CASR: variants seen among roughly 807,000 people sequenced by gnomAD.
CASR encodes the protein extracellular calcium-sensing receptor.
In CASR, 23 loss-of-function variants were observed where a neutral mutation model predicts 69.1. The observed-to-expected ratio is 0.33, with a 90% CI of 0.24 to 0.47. CASR has a LOEUF of 0.47. Ranked by LOEUF, CASR falls within the 20% of genes least tolerant of loss-of-function variation. CASR has a pLI of 1.00. For missense variants in CASR, 924 were observed against 1,356.1 expected (o/e 0.68, Z 5.00); for synonymous variants, 541 against 544.7 (o/e 0.99, Z 0.10).
chr3:122,271,707 C>T (rs544027695), intron 4 of CASR, among the ~76,000 whole-genome samples: 2 of 152,266 alleles, frequency 1.3e-5, no homozygotes, highest in African/African-American at 4.8e-5. Context: ...AATTTTAGAA[C>T]ATTTTCACCA....
At chr3:122,186,659 T>G (rs772989854) in intron 1 of CASR, among the ~76,000 whole-genome samples, 28 of 152,206 alleles carry the variant, frequency 1.8e-4, no homozygotes, top group Non-Finnish European at 3.5e-4. Flanking sequence ...TAAGATAAAC[T>G]GTCTGAAGGA....
At chr3:122,253,730 C>A (rs1234704144) in intron 1 of CASR, among the ~76,000 whole-genome samples, 2 of 152,210 alleles carry the variant, frequency 1.3e-5, no homozygotes, top group Admixed American at 6.5e-5. Context: ...TAAAATTTGA[C>A]CTCTCATAAC....
intron 6 of CASR, among the ~76,000 whole-genome samples, chr3:122,283,331 T>C (rs2134224): frequency 0.18 from 27,528 of 152,070 alleles, 2,900 homozygotes; most frequent in African/African-American, 0.27. Flanking sequence ...CTGCGAAGAG[T>C]TGATGGACCA....
chr3:122,254,141 T>A lies in CASR; in HGVS notation c.-49T>A. 1 of 1,597,950 alleles carries A rather than the reference T, an allele frequency of 6.3e-7. No individual in the cohort carries two copies. The highest frequency in any genetic ancestry group is 8.6e-7 in the Non-Finnish European group (1 of 1,167,366). On this transcript the variant is annotated 5_prime_UTR_variant, in exon 2 of 7. Transcript: ENST00000639785. ...TCCAAGGGAGAAACTTCTGGGAGCC[T>A]CCAAACTCCTAGCTGTCTCATCCCT...
At chr3:122,219,322 A>AT (rs2074148728) in intron 1 of CASR, among the ~76,000 whole-genome samples, 1 of 152,204 alleles carries the variant, frequency 6.6e-6, no homozygotes, top group Non-Finnish European at 1.5e-5. Flanking sequence ...TATCAGAGGG[A>AT]TTTTAACAAA....
At chr3:122,273,534 T>C (rs1267205531) in intron 4 of CASR, among the ~76,000 whole-genome samples, 1 of 152,212 alleles carries the variant, frequency 6.6e-6, no homozygotes, top group African/African-American at 2.4e-5. Context: ...GCATGGCATG[T>C]GGACAGGATA....
Position 122,280,839 on chromosome 3 carries a change from A to G in CASR, c.1609-1274A>G, listed in dbSNP as rs553212920. ...TAAATAGACATTATGGAAATAGTAAAAGCCCTACTATGTATTAAGCATTAC... is the reference window on the plus strand; with the variant it reads ...TAAATAGACATTATGGAAATAGTAAGAGCCCTACTATGTATTAAGCATTAC... On this transcript the variant is annotated intron_variant, in intron 5 of 6. Transcript: ENST00000639785. Among the ~76,000 whole-genome samples the G allele has an allele frequency of 5.3e-5, 8 of 152,360 alleles. No homozygotes were observed. The East Asian group carries it at 1.5e-3, about 29-fold the overall frequency.
intron 2 of CASR, 21 bp downstream of exon 2, chr3:122,254,395 T>A: frequency 6.2e-7 from 1 of 1,609,652 alleles, no homozygotes; most frequent in South Asian, 1.1e-5. Flanking sequence ...GGGCCTAATC[T>A]GCCAATCTCT....
chr3:122,249,089 G>C (rs2074456729), intron 1 of CASR, among the ~76,000 whole-genome samples: 1 of 152,154 alleles, frequency 6.6e-6, no homozygotes, highest in African/African-American at 2.4e-5. Context: ...ACCAGCCTCT[G>C]GTCTTTACTG....
At chr3:122,200,487 G>A (rs937848357) in intron 1 of CASR, among the ~76,000 whole-genome samples, 2 of 152,108 alleles carry the variant, frequency 1.3e-5, no homozygotes, top group Non-Finnish European at 2.9e-5. Context: ...TACAAATGGA[G>A]TCATGCTCTT....
chr3:122,262,796 A>G (rs910129566), intron 4 of CASR, among the ~76,000 whole-genome samples: 16 of 152,210 alleles, frequency 1.1e-4, no homozygotes, highest in Non-Finnish European at 1.2e-4. Context: ...CATTCCATAT[A>G]CTAAGTGGCA....
chr3:122,284,775 CA>C lies in CASR; in HGVS notation c.2823del (p.Glu942SerfsTer7). On this transcript the variant is annotated frameshift_variant, in exon 7 of 7. Transcript: ENST00000639785. LOFTEE classifies it low-confidence loss of function (END_TRUNC). ...KQQQPLALTQQEQQQQPLTLP... is the reference protein window; with the variant it reads ...KQQQPLALTQXEQQQQPLTLP... ...GCAGCAGCCGCTGGCCCTAACCCAG[CA>C]AGAGCAGCAGCAGCAGCCCCTGACC... The C allele has an allele frequency of 6.2e-7, 1 of 1,614,164 alleles. No individual in the cohort carries two copies. The highest frequency in any genetic ancestry group is 8.5e-7 in the Non-Finnish European group (1 of 1,180,032).
At chr3:122,199,808 A>G (rs1245447332) in intron 1 of CASR, among the ~76,000 whole-genome samples, 2 of 151,548 alleles carry the variant, frequency 1.3e-5, no homozygotes, top group Non-Finnish European at 2.9e-5. Flanking sequence ...AGCAAGTTCA[A>G]GTGCTCTACA....
intron 1 of CASR, among the ~76,000 whole-genome samples, chr3:122,235,162 T>C (rs1268329699): frequency 6.6e-6 from 1 of 152,200 alleles, no homozygotes; most frequent in Non-Finnish European, 1.5e-5. Context: ...GATGGATTGA[T>C]TGTGAAGAAT....
At chr3:122,212,095 A>G (rs1559939527) in intron 1 of CASR, among the ~76,000 whole-genome samples, 1 of 152,224 alleles carries the variant, frequency 6.6e-6, no homozygotes, top group South Asian at 2.1e-4. Context: ...TCTATTATAA[A>G]CATACATGGA....
chr3:122,253,044 CA>C (rs36086437), intron 1 of CASR, among the ~76,000 whole-genome samples: 1 of 152,286 alleles, frequency 6.6e-6, no homozygotes, highest in African/African-American at 2.4e-5. Flanking sequence ...TTGTAAAACA[CA>C]ATCTAATCCA....
intron 1 of CASR, among the ~76,000 whole-genome samples, chr3:122,218,797 G>A (rs923262920): frequency 1.3e-5 from 2 of 152,210 alleles, no homozygotes; most frequent in Admixed American, 1.3e-4. Context: ...TAAACAAATA[G>A]TGATGTGTTT....
rs948062031 is a variant in CASR at position 122,255,831 on chromosome 3, C to T, written c.186-1250C>T. ...CAAGAGCTTAGGGAACCTAACAATA[C>T]AATGGAGTATAAAAGATTGTATATC... is the stretch of plus-strand genomic sequence containing the variant. On this transcript the variant is annotated intron_variant, in intron 2 of 6. Coordinates refer to ENST00000639785, the MANE Select transcript of CASR (RefSeq NM_000388.4). Among the ~76,000 whole-genome samples the T allele has an allele frequency of 8.5e-5, 13 of 152,276 alleles. No homozygotes were observed. In the East Asian group the frequency reaches 2.5e-3, roughly 29 times the overall value.
chr3:122,269,326 C>T (rs975139174), intron 4 of CASR, among the ~76,000 whole-genome samples: 12 of 152,180 alleles, frequency 7.9e-5, no homozygotes, highest in Non-Finnish European at 1.5e-4. Context: ...AGCATTCAGT[C>T]TTTTACCACT....
Sources: allele counts gnomAD v4.1 joint callset (sites outside exome capture counted in the v4.1 genomes callset), GRCh38; gene constraint gnomAD v4.1.1; transcripts MANE v1.5; gene names NCBI Gene and HGNC (gene_info 2026-07-23, HGNC 2026-07-21).